Variants in NBPF3 observed in about 807,000 individuals in gnomAD.
The protein encoded by NBPF3 is NBPF family member NBPF3.
A neutral mutation model predicts 78.1 loss-of-function variants in NBPF3; 57 were observed. The ratio of observed to expected loss-of-function variants is 0.73; its 90% CI spans 0.59 to 0.91. The LOEUF (loss-of-function observed/expected upper bound fraction) is 0.91, where lower values mean the gene tolerates loss of function less well. Among genes scored for constraint, NBPF3 ranks in the 40% least tolerant of loss-of-function variants. NBPF3 has a pLI of 0.00. For synonymous variants in NBPF3, 182 were observed against 271.7 expected, an observed-to-expected ratio of 0.67 and a Z score of 3.25; for missense variants, 510 against 715.3, an observed-to-expected ratio of 0.71 and a Z score of 3.27.
In NBPF3 at chr1:21,466,078, C is replaced by G. The variant is rs1642245105; in HGVS notation, c.134-2610C>G. On this transcript the variant is annotated intron_variant, in intron 2 of 14. Coordinates refer to ENST00000318249, the MANE Select transcript of NBPF3 (RefSeq NM_032264.6). Reference sequence around the variant, plus strand: ...GTGCCTAACGTCCTGACCTCCATGCCCTTTTCAGGGAGCCTTGGGAGGAGC... The same window carrying G: ...GTGCCTAACGTCCTGACCTCCATGCGCTTTTCAGGGAGCCTTGGGAGGAGC... 4.1e-6 allele frequency: 4 copies of G among 985,260 alleles called. No individual in the cohort carries two copies. In the African/African-American group the frequency reaches 5.2e-5, roughly 13 times the overall value. 61.0% of individuals were successfully genotyped at this position (985,260 alleles called of 1,614,324 possible). A position where few individuals can be genotyped will look rare whatever the true frequency, so the allele number is the denominator to read the frequency against.
intron 2 of NBPF3, among the ~76,000 whole-genome samples, chr1:21,458,110 G>C (rs1232782195): frequency 6.6e-6 from 1 of 152,174 alleles, no homozygotes; most frequent in Non-Finnish European, 1.5e-5. Flanking sequence ...ATCTAAATGG[G>C]TCTAGGTGCT....
rs530416902 is a variant in NBPF3, at chr1:21,471,583, T to C, written c.461T>C (p.Leu154Pro). The C allele has an allele frequency of 2.7e-5, 44 of 1,611,946 alleles. No individual in the cohort carries two copies. The highest frequency in any genetic ancestry group is 3.6e-5 in the Non-Finnish European group (42 of 1,179,798). The change falls in exon 5 of 15, where the codon CTG (leucine) becomes CCG (proline). Residue 154 changes from leucine to proline, a missense_variant. This residue lies in a region of NBPF3 where 440 missense variants were observed against 478.2 expected (regional missense o/e 0.92). Coordinates refer to ENST00000318249, the MANE Select transcript of NBPF3 (RefSeq NM_032264.6). ...QAEELRQYKVLVHSQERELTQ... is the reference protein window; with the variant it reads ...QAEELRQYKVPVHSQERELTQ... ...TCTCACCTTAGGCAATATAAAGTCCTGGTTCACTCTCAGGAACGAGAGCTG... is the reference window on the plus strand; with the variant it reads ...TCTCACCTTAGGCAATATAAAGTCCCGGTTCACTCTCAGGAACGAGAGCTG...
intron 2 of NBPF3, among the ~76,000 whole-genome samples, chr1:21,453,154 T>C (rs1244727008): frequency 6.6e-6 from 1 of 152,120 alleles, no homozygotes; most frequent in Non-Finnish European, 1.5e-5. Flanking sequence ...CATTCCTGGC[T>C]CCCCTGCATG....
chr1:21,448,826 C>T (rs772393804), intron 2 of NBPF3, among the ~76,000 whole-genome samples: 1 of 152,108 alleles, frequency 6.6e-6, no homozygotes, highest in Non-Finnish European at 1.5e-5. Flanking sequence ...TTAGGGTGGC[C>T]GTTTTCCCTG....
chr1:21,479,900 G>A (rs1558508322), intron 10 of NBPF3, 151 bp from the exon 11 acceptor site: 2 of 651,302 alleles, frequency 3.1e-6, no homozygotes, highest in Admixed American at 2.1e-5. Flanking sequence ...GCCCTGGTCT[G>A]TCCCAACATG....
At chr1:21,474,977 T>C in intron 8 of NBPF3, 26 bp downstream of exon 8, 4 of 1,589,704 alleles carry the variant, frequency 2.5e-6, no homozygotes, top group Non-Finnish European at 3.4e-6. Flanking sequence ...TGTGGGCTGT[T>C]AATTCAATAG....
In NBPF3 at chr1:21,476,031, C is replaced by T. The variant is rs1642871939; in HGVS notation, c.992+1080C>T. 6.6e-6 allele frequency among the ~76,000 whole-genome samples: 1 copy of T among 152,188 alleles called. No individual in the cohort carries two copies. The highest frequency in any genetic ancestry group is 2.4e-5 in the African/African-American group (1 of 41,524). On this transcript the variant is annotated intron_variant, in intron 8 of 14. Transcript: ENST00000318249. The surrounding 1 kb of genome is among the most constrained non-coding windows in gnomAD (Gnocchi z 4.1). ...GATCCCTTTGCAATTATGTAATGGC[C>T]TTCTTTGTCTCTTTTGATCTTTCTT...
rs552618988 is a variant in NBPF3 at position 21,445,855 on chromosome 1, A to G, written c.133+636A>G. 5.9e-5 allele frequency among the ~76,000 whole-genome samples: 9 copies of G among 152,258 alleles called. No homozygotes were observed. In the East Asian group the frequency reaches 1.2e-3, roughly 20 times the overall value. ...GGTTTCCCAGGACCTTGTGGTGGAC[A>G]CCTTCTTTCACTGAGCATTCATGGG... On this transcript the variant is annotated intron_variant, in intron 2 of 14. Transcript: ENST00000318249.
upstream of NBPF3, among the ~76,000 whole-genome samples, chr1:21,438,219 TCTC>T (rs1640464025): frequency 6.6e-6 from 1 of 151,094 alleles, no homozygotes; most frequent in Non-Finnish European, 1.5e-5. Context: ...TTCAAGCAAT[TCTC>T]CTGCCTCAGC....
Position 21,472,765 on chromosome 1 carries a change from T to C in NBPF3, c.662-78T>C, listed in dbSNP as rs1026096162. ...CAGTGACCATGCCTAGATGTTCATGTCTGTGTGCACATTCGGCTGACTGTG... is the reference window on the plus strand; with the variant it reads ...CAGTGACCATGCCTAGATGTTCATGCCTGTGTGCACATTCGGCTGACTGTG... On this transcript the variant is annotated intron_variant, in intron 5 of 14. Coordinates refer to ENST00000318249, the MANE Select transcript of NBPF3 (RefSeq NM_032264.6). The C allele has an allele frequency of 6.0e-6, 6 of 993,302 alleles. No individual in the cohort carries two copies. The African/African-American group carries it at 7.9e-5, about 13-fold the overall frequency. The allele number at this position is 993,302 out of a possible 1,614,324, so 61.5% of individuals were successfully genotyped here.
chr1:21,477,713 CAT>C (rs1558505487), intron 8 of NBPF3, among the ~76,000 whole-genome samples: 1 of 151,552 alleles, frequency 6.6e-6, no homozygotes. Context: ...AAAAAATAAA[CAT>C]ATTATATCAA....
intron 2 of NBPF3, among the ~76,000 whole-genome samples, chr1:21,463,591 C>T (rs6426699): frequency 3.9e-5 from 6 of 151,966 alleles, no homozygotes; most frequent in Non-Finnish European, 5.9e-5. Flanking sequence ...CACAAACAAC[C>T]GAAAAATAGA....
chr1:21,475,096 T>A, intron 8 of NBPF3, 145 bp downstream of exon 8: 1 of 703,976 alleles, frequency 1.4e-6, no homozygotes, highest in South Asian at 1.7e-5. Context: ...TGTACATTAT[T>A]TGTGGCCCTT....
intron 2 of NBPF3, among the ~76,000 whole-genome samples, chr1:21,464,692 A>C (rs1457682570): frequency 1.3e-5 from 1 of 77,178 alleles, no homozygotes; most frequent in Non-Finnish European, 3.2e-5. Context: ...CAGTATTTTC[A>C]TTAAAAAAAA....
Position 21,477,940 on chromosome 1 carries a change from C to A in NBPF3, c.993-204C>A. ...TGATCTGTGGCAAATGTACTGAGCA[C>A]GTGCTGCCCATTTTTGTTCGGTCCT... On this transcript the variant is annotated intron_variant, in intron 8 of 14. Transcript: ENST00000318249. The A allele has an allele frequency of 2.9e-6, 3 of 1,046,574 alleles. No homozygotes were observed. In the South Asian group the frequency reaches 4.7e-5, roughly 17 times the overall value. The allele number at this position is 1,046,574 out of a possible 1,614,324, so 64.8% of individuals were successfully genotyped here.
chr1:21,475,072 C>T (rs1162515454), intron 8 of NBPF3, 121 bp downstream of exon 8: 14 of 843,920 alleles, frequency 1.7e-5, no homozygotes, highest in Non-Finnish European at 2.6e-5. Context: ...ACAAGTTGTC[C>T]TTATTAACAA....
At chr1:21,464,536 G>A (rs1460741600) in intron 2 of NBPF3, among the ~76,000 whole-genome samples, 6 of 152,076 alleles carry the variant, frequency 3.9e-5, no homozygotes, top group African/African-American at 4.8e-5. Flanking sequence ...AGGTAGTGGC[G>A]ATGGTTGTGA....
chr1:21,445,310 T>C lies in NBPF3; in HGVS notation c.133+91T>C, dbSNP rs899727311. 4.2e-6 allele frequency: 6 copies of C among 1,432,204 alleles called. No individual in the cohort carries two copies. The African/African-American group carries it at 8.5e-5, about 20-fold the overall frequency. 88.7% of individuals were successfully genotyped at this position (1,432,204 alleles called of 1,614,324 possible). A position where few individuals can be genotyped will look rare whatever the true frequency, so the allele number is the denominator to read the frequency against. On this transcript the variant is annotated intron_variant, in intron 2 of 14. Coordinates refer to ENST00000318249, the MANE Select transcript of NBPF3 (RefSeq NM_032264.6). ...TGTGAAGGGAAGATGTCAAGGTCCC[T>C]AAACATTGCAGGGCCTTGCCTGGCA... is the stretch of plus-strand genomic sequence containing the variant.
chr1:21,464,591 A>G (rs1363346701), intron 2 of NBPF3, among the ~76,000 whole-genome samples: 1 of 152,094 alleles, frequency 6.6e-6, no homozygotes, highest in Non-Finnish European at 1.5e-5. Context: ...ATGCTTAAAA[A>G]TGGTGAATTT....
Sources: allele counts gnomAD v4.1 joint callset (sites outside exome capture counted in the v4.1 genomes callset), GRCh38; gene constraint gnomAD v4.1.1; regional missense constraint gnomAD v4.1.1; non-coding constraint Gnocchi (gnomAD v3.1); transcripts MANE v1.5; gene names NCBI Gene and HGNC (gene_info 2026-07-23, HGNC 2026-07-21).